Variants in CFAP20DC observed in about 807,000 individuals in gnomAD.
CFAP20DC encodes the protein protein CFAP20DC.
A neutral mutation model predicts 101.7 loss-of-function variants in CFAP20DC; 84 were observed. That is an observed-to-expected ratio of 0.83 (90% CI 0.69 to 0.99). CFAP20DC has a LOEUF of 0.99. Among genes scored for constraint, CFAP20DC ranks in the 50% least tolerant of loss-of-function variants. The pLI, the probability that CFAP20DC is intolerant of heterozygous loss-of-function variation, is 0.00. For synonymous variants in CFAP20DC, 359 were observed against 351.2 expected, an observed-to-expected ratio of 1.02 and a Z score of -0.25; for missense variants, 1,007 against 970.3, an observed-to-expected ratio of 1.04 and a Z score of -0.50.
At chr3:58,852,611 G>T (rs545095201) in intron 12 of CFAP20DC, among the ~76,000 whole-genome samples, 8 of 150,762 alleles carry the variant, frequency 5.3e-5, no homozygotes, top group African/African-American at 1.7e-4. Context: ...AAATGTAAAA[G>T]AACAGAAATT....
intron 16 of CFAP20DC, among the ~76,000 whole-genome samples, chr3:58,748,030 A>G (rs1366853840): frequency 6.6e-6 from 1 of 152,192 alleles, no homozygotes; most frequent in Admixed American, 6.5e-5. Flanking sequence ...ACTGGTGGCT[A>G]TATTTTACTT....
At chr3:58,981,873 G>A (rs376424491) in intron 4 of CFAP20DC, among the ~76,000 whole-genome samples, 19 of 152,014 alleles carry the variant, frequency 1.2e-4, no homozygotes, top group Middle Eastern at 3.4e-3. Flanking sequence ...TAATTAAACT[G>A]AAGAGCTTCT....
At chr3:58,930,031 C>A (rs756102692) in intron 5 of CFAP20DC, among the ~76,000 whole-genome samples, 1 of 152,052 alleles carries the variant, frequency 6.6e-6, no homozygotes, top group African/African-American at 2.4e-5. Flanking sequence ...CTGGTTAATG[C>A]CTTCCTGTCT....
chr3:58,755,384 C>T (rs960728364), intron 15 of CFAP20DC, among the ~76,000 whole-genome samples: 1 of 152,042 alleles, frequency 6.6e-6, no homozygotes, highest in African/African-American at 2.4e-5. Flanking sequence ...AAACTTCCTG[C>T]ACTATAGGAA....
chr3:58,723,381 G>A (rs1191561109), intron 3 of CFAP20DC, among the ~76,000 whole-genome samples: 5 of 152,226 alleles, frequency 3.3e-5, no homozygotes, highest in Non-Finnish European at 7.3e-5. Context: ...CTTAAGTCAT[G>A]TAATGTAAAT....
intron 3 of CFAP20DC, among the ~76,000 whole-genome samples, chr3:58,718,162 AT>A (rs1259640642): frequency 1.3e-5 from 2 of 152,224 alleles, no homozygotes; most frequent in African/African-American, 4.8e-5. Context: ...GGAAGCAGGG[AT>A]AAAAATGTGG....
intron 5 of CFAP20DC, among the ~76,000 whole-genome samples, chr3:58,933,496 T>G (rs1294872410): frequency 4.6e-5 from 7 of 152,262 alleles, no homozygotes; most frequent in East Asian, 1.9e-4. Flanking sequence ...ACCACACCTA[T>G]TCCAAAATTG....
chr3:59,048,620 C>T (rs1342425294), intron 1 of CFAP20DC, among the ~76,000 whole-genome samples: 4 of 151,882 alleles, frequency 2.6e-5, no homozygotes, highest in African/African-American at 9.7e-5. Flanking sequence ...GTGTTCTAGC[C>T]CAATTAGTGA....
intron 14 of CFAP20DC, among the ~76,000 whole-genome samples, chr3:58,817,087 T>A (rs972190832): frequency 4.6e-5 from 7 of 151,784 alleles, no homozygotes; most frequent in Non-Finnish European, 1.0e-4. Context: ...GTCTTGTCTG[T>A]TAGAAGGAAA....
At position 58,874,815 on chromosome 3, in the gene CFAP20DC, T is replaced by C. The variant is rs1354551628; in HGVS notation, c.716-4506A>G. Among the ~76,000 whole-genome samples, 1 of 152,230 alleles carries C rather than the reference T, an allele frequency of 6.6e-6. No homozygotes were observed. The highest frequency in any genetic ancestry group is 1.5e-5 in the Non-Finnish European group (1 of 68,044). On this transcript the variant is annotated intron_variant, in intron 7 of 16. Transcript: ENST00000482387. The surrounding 1 kb of genome is among the most constrained non-coding windows in gnomAD (Gnocchi z 5.1). ...ATTCTCTAATTAATGTGTGCTTCAG[T>C]AGACATAAACTCAGTGGCCTGCTTC... is the stretch of plus-strand genomic sequence containing the variant.
At chr3:58,821,786 C>T (rs1322908498) in intron 14 of CFAP20DC, among the ~76,000 whole-genome samples, 2 of 145,512 alleles carry the variant, frequency 1.4e-5, no homozygotes, top group African/African-American at 2.6e-5. Context: ...CCAGCCATCC[C>T]ATTACTGGGT....
At chr3:58,902,518 T>G (rs2083234681) in intron 6 of CFAP20DC, among the ~76,000 whole-genome samples, 1 of 152,218 alleles carries the variant, frequency 6.6e-6, no homozygotes, top group African/African-American at 2.4e-5. Context: ...ATTTCCCTAA[T>G]GGCTAATGAT....
chr3:58,748,968 T>C (rs572955030), intron 16 of CFAP20DC, among the ~76,000 whole-genome samples: 3 of 152,250 alleles, frequency 2.0e-5, no homozygotes, highest in African/African-American at 7.2e-5. Flanking sequence ...GGAGGAGGTA[T>C]GAGGTAATGC....
At position 58,998,052 on chromosome 3, in the gene CFAP20DC, C is replaced by T. The variant is rs948814674; in HGVS notation, c.278+41505G>A. On this transcript the variant is annotated intron_variant, in intron 4 of 16. Coordinates refer to ENST00000482387, the MANE Select transcript of CFAP20DC (RefSeq NM_001394063.1). ...GTGATTTGAATAAAGTGATCAAAAG[C>T]ACTAGCCCAAGCTTGAAGGTTACTG... 3.9e-5 allele frequency among the ~76,000 whole-genome samples: 6 copies of T among 152,144 alleles called. No homozygotes were observed. The East Asian group carries it at 1.2e-3, about 29-fold the overall frequency.
chr3:58,826,108 C>A (rs777751195), intron 14 of CFAP20DC, among the ~76,000 whole-genome samples: 1 of 152,102 alleles, frequency 6.6e-6, no homozygotes, highest in African/African-American at 2.4e-5. Context: ...CTGAATGGGA[C>A]CGGACTACAT....
chr3:58,993,938 G>T (rs2093024680), intron 4 of CFAP20DC, among the ~76,000 whole-genome samples: 1 of 152,088 alleles, frequency 6.6e-6, no homozygotes, highest in Non-Finnish European at 1.5e-5. Flanking sequence ...ATTCCTTTGG[G>T]TATATACCCA....
intron 3 of CFAP20DC, among the ~76,000 whole-genome samples, chr3:58,723,040 A>T (rs2107052796): frequency 6.6e-6 from 1 of 152,376 alleles, no homozygotes; most frequent in East Asian, 1.9e-4. Flanking sequence ...ACTAGTGATT[A>T]TTCTTTTCAA....
At chr3:58,755,761 C>A (rs1015690252) in intron 15 of CFAP20DC, among the ~76,000 whole-genome samples, 1 of 152,250 alleles carries the variant, frequency 6.6e-6, no homozygotes, top group South Asian at 2.1e-4. Context: ...AGTTTCCCCA[C>A]CTTTAACATT....
At chr3:59,027,249 T>A (rs907295964) in intron 4 of CFAP20DC, among the ~76,000 whole-genome samples, 1 of 152,214 alleles carries the variant, frequency 6.6e-6, no homozygotes. Context: ...TTTGTAAGGA[T>A]GAGGTACACT....
Sources: allele counts gnomAD v4.1 joint callset (sites outside exome capture counted in the v4.1 genomes callset), GRCh38; gene constraint gnomAD v4.1.1; non-coding constraint Gnocchi (gnomAD v3.1); transcripts MANE v1.5; gene names NCBI Gene and HGNC (gene_info 2026-07-23, HGNC 2026-07-21).